The following GRHL2 variants were observed in gnomAD, a reference collection of about 807,000 sequenced individuals.
GRHL2 encodes grainyhead like transcription factor 2, also known as grainyhead-like protein 2 homolog.
Under a neutral mutation model 83.8 loss-of-function variants are expected in GRHL2, and 21 were observed. That is an observed-to-expected ratio of 0.25 (90% CI 0.18 to 0.36). GRHL2 has a LOEUF of 0.36. GRHL2 is among the 10% of genes least tolerant of loss of function. The pLI is 1.00. For missense variants in GRHL2, 623 were observed against 781.8 expected, an observed-to-expected ratio of 0.80 and a Z score of 2.42; for synonymous variants, 280 against 278.9, an observed-to-expected ratio of 1.00 and a Z score of -0.04.
chr8:101,571,490 T>TTA (rs1811820852), intron 5 of GRHL2, among the ~76,000 whole-genome samples: 4 of 131,366 alleles, frequency 3.0e-5, no homozygotes, highest in Admixed American at 2.3e-4. Context: ...CCCCATTACA[T>TTA]AAAAAAAAAA....
intron 1 of GRHL2, among the ~76,000 whole-genome samples, chr8:101,505,077 G>A (rs1039990580): frequency 6.6e-5 from 10 of 151,992 alleles, no homozygotes; most frequent in African/African-American, 1.9e-4. Flanking sequence ...CTTCGGCTGC[G>A]GAATAAACAC....
At chr8:101,613,723 G>A (rs945284204) in intron 8 of GRHL2, among the ~76,000 whole-genome samples, 1 of 150,934 alleles carries the variant, frequency 6.6e-6, no homozygotes. Flanking sequence ...ACTGGCAAGA[G>A]CACATTTATA....
chr8:101,558,347 G>T, intron 3 of GRHL2, 72 bp from the exon 4 acceptor site: 3 of 1,555,392 alleles, frequency 1.9e-6, no homozygotes, highest in Non-Finnish European at 1.8e-6. Flanking sequence ...GCCTGCATTG[G>T]TTATTCTATT....
intron 9 of GRHL2, among the ~76,000 whole-genome samples, chr8:101,625,135 A>G (rs561033847): frequency 6.6e-6 from 1 of 152,142 alleles, no homozygotes; most frequent in African/African-American, 2.4e-5. Flanking sequence ...TTTATTTCAG[A>G]TATTCCAGGG....
At chr8:101,571,624 A>G (rs935044539) in intron 5 of GRHL2, among the ~76,000 whole-genome samples, 1 of 152,010 alleles carries the variant, frequency 6.6e-6, no homozygotes, top group Non-Finnish European at 1.5e-5. Context: ...AGGGCCCTCT[A>G]TGTTTTGGTC....
chr8:101,641,130 G>T (rs7839494), intron 12 of GRHL2, among the ~76,000 whole-genome samples: 18,409 of 151,702 alleles, frequency 0.12, 2,443 homozygotes, highest in African/African-American at 0.34. Context: ...TTTTGTTTTT[G>T]GTTTTTTACT....
At chr8:101,554,075 C>T (rs1393914409) in intron 3 of GRHL2, among the ~76,000 whole-genome samples, 2 of 152,170 alleles carry the variant, frequency 1.3e-5, no homozygotes, top group Non-Finnish European at 2.9e-5. Context: ...CTGACCTGGC[C>T]TTGATAGGAA....
rs1004153356 is a variant in GRHL2, at chr8:101,526,712, T to TA, written c.21-16522dup. Reference sequence around the variant, plus strand: ...TCTTTCAGGTAAAAATGGAATCCCTTAAAAAAAGCAGCTAGTTTCAACTCC... The same window carrying TA: ...TCTTTCAGGTAAAAATGGAATCCCTTAAAAAAAAGCAGCTAGTTTCAACTCC... On this transcript the variant is annotated intron_variant, in intron 1 of 15. Coordinates refer to ENST00000646743, the MANE Select transcript of GRHL2 (RefSeq NM_024915.4). 6.6e-5 allele frequency among the ~76,000 whole-genome samples: 10 copies of TA among 152,086 alleles called. No individual in the cohort carries two copies. The South Asian group carries it at 1.2e-3, about 19-fold the overall frequency.
intron 11 of GRHL2, among the ~76,000 whole-genome samples, chr8:101,633,327 C>T (rs1407952135): frequency 6.6e-6 from 1 of 152,124 alleles, no homozygotes; most frequent in East Asian, 1.9e-4. Flanking sequence ...TTCTTTTAAA[C>T]CCAAAGTCCT....
chr8:101,566,270 A>G (rs910322109), intron 4 of GRHL2, among the ~76,000 whole-genome samples: 1 of 152,168 alleles, frequency 6.6e-6, no homozygotes, highest in African/African-American at 2.4e-5. Flanking sequence ...GAGGATTTAA[A>G]TCTATATGTA....
intron 3 of GRHL2, among the ~76,000 whole-genome samples, chr8:101,553,874 C>T (rs887998807): frequency 6.6e-6 from 1 of 152,078 alleles, no homozygotes; most frequent in African/African-American, 2.4e-5. Context: ...GATCTGCCCG[C>T]CTCAGCCTCC....
At chr8:101,673,387 G>C (rs952973993), downstream of GRHL2, among the ~76,000 whole-genome samples, 22 of 152,118 alleles carry the variant, frequency 1.4e-4, no homozygotes, top group Middle Eastern at 0.017. Context: ...ACAAAAAAAG[G>C]CAGGGGTTGC....
At chr8:101,673,170 A>T (rs1190853796), downstream of GRHL2, among the ~76,000 whole-genome samples, 1 of 152,030 alleles carries the variant, frequency 6.6e-6, no homozygotes, top group African/African-American at 2.4e-5. Context: ...ACCAGCTAAC[A>T]TCATAAGGAC....
Position 101,600,504 on chromosome 8 carries a change from C to T in GRHL2, c.1098+1353C>T, listed in dbSNP as rs951711386. On this transcript the variant is annotated intron_variant, in intron 8 of 15. Coordinates refer to ENST00000646743, the MANE Select transcript of GRHL2 (RefSeq NM_024915.4). The stretch of plus-strand genomic sequence containing the variant: ...ACCTTTCCCACATCCCTGCCTAGTG[C>T]CTCCTTATTCCAGCCAATTCCTTTC... Among the ~76,000 whole-genome samples, 3 of 152,220 alleles carry T rather than the reference C, an allele frequency of 2.0e-5. No individual in the cohort carries two copies. The South Asian group carries it at 6.2e-4, about 31-fold the overall frequency.
chr8:101,659,326 T>C (rs560112606), intron 14 of GRHL2, among the ~76,000 whole-genome samples: 31 of 152,326 alleles, frequency 2.0e-4, no homozygotes, highest in South Asian at 1.5e-3. Flanking sequence ...ACATTCCAGT[T>C]TGAGGTTAGT....
intron 8 of GRHL2, among the ~76,000 whole-genome samples, chr8:101,615,306 C>T (rs537829345): frequency 3.3e-5 from 5 of 152,300 alleles, no homozygotes; most frequent in South Asian, 4.1e-4. Flanking sequence ...ATCACGTCGG[C>T]TCTTAGTTGA....
chr8:101,670,937 G>A (rs1814195034), downstream of GRHL2, among the ~76,000 whole-genome samples: 1 of 152,172 alleles, frequency 6.6e-6, no homozygotes, highest in Admixed American at 6.5e-5. Context: ...AAAGGATAGT[G>A]ATCTGGAAAC....
intron 1 of GRHL2, among the ~76,000 whole-genome samples, chr8:101,522,598 A>G (rs1284824084): frequency 6.6e-6 from 1 of 152,170 alleles, no homozygotes; most frequent in African/African-American, 2.4e-5. Context: ...TATTTGTAAA[A>G]TGAGAAGTTT....
At chr8:101,532,307 C>A (rs1181415496) in intron 1 of GRHL2, among the ~76,000 whole-genome samples, 2 of 152,100 alleles carry the variant, frequency 1.3e-5, no homozygotes, top group African/African-American at 4.8e-5. Context: ...ACATTTTGAA[C>A]CTTTGCTCTT....
Sources: allele counts gnomAD v4.1 joint callset (sites outside exome capture counted in the v4.1 genomes callset), GRCh38; gene constraint gnomAD v4.1.1; transcripts MANE v1.5; gene names NCBI Gene and HGNC (gene_info 2026-07-23, HGNC 2026-07-21).